The following CDH13 variants were observed in gnomAD, a reference collection of about 807,000 sequenced individuals.
CDH13 encodes cadherin-13.
A neutral mutation model predicts 63.8 loss-of-function variants in CDH13; 24 were observed. That is an observed-to-expected ratio of 0.38 (90% confidence interval 0.27 to 0.53). The LOEUF is 0.53. Ranked by LOEUF, CDH13 falls within the 20% of genes least tolerant of loss-of-function variation. The probability of loss-of-function intolerance (pLI) is 0.85; values close to 1 mark genes in which losing one functional copy is unlikely to be tolerated. For missense variants in CDH13, 1,049 were observed against 903.1 expected (o/e 1.16, Z -2.07); for synonymous variants, 503 against 355.3 (o/e 1.42, Z -4.67).
At chr16:82,928,459 C>G (rs1330349080) in intron 2 of CDH13, among the ~76,000 whole-genome samples, 4 of 152,148 alleles carry the variant, frequency 2.6e-5, no homozygotes, top group Admixed American at 2.0e-4. Flanking sequence ...TTTATATTGC[C>G]ACCAGGAGCA....
intron 2 of CDH13, among the ~76,000 whole-genome samples, chr16:82,869,875 G>C (rs1219772306): frequency 6.6e-6 from 1 of 152,090 alleles, no homozygotes; most frequent in Non-Finnish European, 1.5e-5. Flanking sequence ...ACTCTGAAAC[G>C]ACTACATGAA....
intron 6 of CDH13, among the ~76,000 whole-genome samples, chr16:83,450,308 G>C (rs1020516361): frequency 1.3e-5 from 2 of 152,162 alleles, no homozygotes; most frequent in Non-Finnish European, 2.9e-5. Flanking sequence ...AGTGCAGCTT[G>C]TTCTATGAAT....
At chr16:83,027,335 G>T (rs1053432618) in intron 2 of CDH13, among the ~76,000 whole-genome samples, 11 of 152,140 alleles carry the variant, frequency 7.2e-5, no homozygotes, top group African/African-American at 2.7e-4. Flanking sequence ...AATATAAAAG[G>T]TTCTATGGGA....
intron 4 of CDH13, among the ~76,000 whole-genome samples, chr16:83,170,615 A>T (rs965575860): frequency 2.0e-5 from 3 of 152,186 alleles, no homozygotes; most frequent in Non-Finnish European, 2.9e-5. Flanking sequence ...AAGATATTTT[A>T]GTGAGGAACA....
chr16:83,446,992 A>T (rs76180098), intron 6 of CDH13, among the ~76,000 whole-genome samples: 3 of 142,298 alleles, frequency 2.1e-5, no homozygotes, highest in African/African-American at 7.6e-5. Flanking sequence ...CCTGCATTGA[A>T]GGGGTTAAGA....
At chr16:83,331,575 T>C (rs966654074) in intron 5 of CDH13, among the ~76,000 whole-genome samples, 4 of 152,234 alleles carry the variant, frequency 2.6e-5, no homozygotes, top group Admixed American at 1.3e-4. Context: ...TTGATTTCTT[T>C]TTTAACTTTG....
intron 2 of CDH13, among the ~76,000 whole-genome samples, chr16:82,941,810 G>C (rs891116754): frequency 1.3e-5 from 2 of 152,046 alleles, no homozygotes; most frequent in African/African-American, 4.8e-5. Flanking sequence ...CTATATTCTT[G>C]CTCCCTCATT....
chr16:83,799,615 A>G lies in CDH13; in HGVS notation c.*4585A>G, dbSNP rs941870548. On this transcript the variant is annotated 3_prime_UTR_variant, in exon 14 of 14. Transcript: ENST00000567109. ...CACCTACCTTTTCTGTTTACCAAAT[A>G]CTAAGAATAATAATCTAATAATCTG... is the stretch of plus-strand genomic sequence containing the variant. 6.6e-6 allele frequency: 1 copy of G among 152,206 alleles called. No homozygotes were observed. Among genetic ancestry groups the G allele is most frequent in the Admixed American group, 6.5e-5 (1 of 15,276 alleles). 9.4% of individuals were successfully genotyped at this position (152,206 alleles called of 1,614,324 possible). A position where few individuals can be genotyped will look rare whatever the true frequency, so the allele number is the denominator to read the frequency against.
At chr16:83,194,943 A>G (rs1464468612) in intron 4 of CDH13, among the ~76,000 whole-genome samples, 7 of 152,212 alleles carry the variant, frequency 4.6e-5, no homozygotes, top group African/African-American at 1.4e-4. Flanking sequence ...CCATAACACC[A>G]TGAAATTTTA....
At chr16:83,787,083 T>G (rs1286747240) in intron 13 of CDH13, among the ~76,000 whole-genome samples, 5 of 152,242 alleles carry the variant, frequency 3.3e-5, no homozygotes, top group Non-Finnish European at 5.9e-5. Flanking sequence ...TCACACACAT[T>G]CACACATGAC....
intron 4 of CDH13, among the ~76,000 whole-genome samples, chr16:83,164,935 C>T (rs1376317045): frequency 2.0e-5 from 3 of 151,814 alleles, no homozygotes; most frequent in Non-Finnish European, 2.9e-5. Context: ...TTGTTTGCCA[C>T]AGGGTGCCCA....
intron 2 of CDH13, among the ~76,000 whole-genome samples, chr16:82,862,486 C>T (rs2039982701): frequency 6.6e-6 from 1 of 152,188 alleles, no homozygotes; most frequent in African/African-American, 2.4e-5. Flanking sequence ...CCTCTATTAG[C>T]AGGGGATGAG....
Position 82,653,391 on chromosome 16 carries a change from GAC to G in CDH13, c.45+26255_45+26256del, listed in dbSNP as rs570265450. Among the ~76,000 whole-genome samples the G allele has an allele frequency of 7.9e-5, 12 of 152,300 alleles. No homozygotes were observed. In the East Asian group the frequency reaches 1.2e-3, roughly 15 times the overall value. On this transcript the variant is annotated intron_variant, in intron 1 of 13. Transcript: ENST00000567109. ...AGGTGTGTTGGAAATACAGAGGAGA[GAC>G]CAGCCCAACTTTGGAGGAGAACAGA...
At chr16:83,565,235 C>G (rs1053539940) in intron 7 of CDH13, among the ~76,000 whole-genome samples, 1 of 152,102 alleles carries the variant, frequency 6.6e-6, no homozygotes, top group Non-Finnish European at 1.5e-5. Flanking sequence ...TAATTGCCCT[C>G]ATAGTACCCT....
At chr16:83,229,023 T>C (rs2039927446) in intron 5 of CDH13, among the ~76,000 whole-genome samples, 1 of 151,994 alleles carries the variant, frequency 6.6e-6, no homozygotes, top group South Asian at 2.1e-4. Context: ...AAATATACCT[T>C]GGGATGAAAA....
intron 7 of CDH13, among the ~76,000 whole-genome samples, chr16:83,566,898 A>T (rs1345076856): frequency 6.6e-6 from 1 of 152,160 alleles, no homozygotes; most frequent in Non-Finnish European, 1.5e-5. Context: ...AAGAAGAAAC[A>T]CAGTGAAAGA....
chr16:83,318,092 A>G (rs1055908536), intron 5 of CDH13, among the ~76,000 whole-genome samples: 8 of 152,202 alleles, frequency 5.3e-5, no homozygotes, highest in African/African-American at 1.7e-4. Context: ...TATCCCATAG[A>G]GTAACTAGAA....
intron 10 of CDH13, among the ~76,000 whole-genome samples, chr16:83,703,952 A>G (rs1321443273): frequency 6.6e-6 from 1 of 152,110 alleles, no homozygotes; most frequent in Non-Finnish European, 1.5e-5. Context: ...CATCCAGATA[A>G]CCCTGCACAT....
Position 83,105,540 on chromosome 16 carries a change from C to T in CDH13, c.367-19845C>T, listed in dbSNP as rs549605349. ...TGTTAGGTAAAACCCCAAGGTTTTT[C>T]TCTTCTCTGGGGCCACCCTCAGGAA... On this transcript the variant is annotated intron_variant, in intron 3 of 13. Coordinates refer to ENST00000567109, the MANE Select transcript of CDH13 (RefSeq NM_001257.5). Among the ~76,000 whole-genome samples the T allele has an allele frequency of 3.9e-5, 6 of 152,246 alleles. No individual in the cohort carries two copies. In the East Asian group the frequency reaches 7.7e-4, roughly 20 times the overall value.
Sources: allele counts gnomAD v4.1 joint callset (sites outside exome capture counted in the v4.1 genomes callset), GRCh38; gene constraint gnomAD v4.1.1; transcripts MANE v1.5; gene names NCBI Gene and HGNC (gene_info 2026-07-23, HGNC 2026-07-21).